PTAFR: variants seen among roughly 807,000 people sequenced by gnomAD.
PTAFR encodes the protein platelet activating factor receptor.
PTAFR carries 8 observed loss-of-function variants against 14.7 expected under a neutral mutation model. The ratio of observed to expected loss-of-function variants is 0.54; its 90% CI spans 0.32 to 0.98. PTAFR has a LOEUF of 0.98. Among genes scored for constraint, PTAFR ranks in the 50% least tolerant of loss-of-function variants. The probability of loss-of-function intolerance (pLI) is 0.04; values close to 1 mark genes in which losing one functional copy is unlikely to be tolerated. For missense variants in PTAFR, 337 were observed against 451.2 expected (o/e 0.75, Z 2.29); for synonymous variants, 156 against 176.5 (o/e 0.88, Z 0.92).
chr1:28,163,742 G>T (rs1646351791), intron 1 of PTAFR, among the ~76,000 whole-genome samples: 1 of 152,354 alleles, frequency 6.6e-6, no homozygotes, highest in Non-Finnish European at 1.5e-5. Flanking sequence ...GGAGCCAGGG[G>T]AGGGGACTGT....
upstream of PTAFR, among the ~76,000 whole-genome samples, chr1:28,180,980 A>T (rs138951986): frequency 9.2e-5 from 14 of 152,148 alleles, no homozygotes; most frequent in East Asian, 1.5e-3. Flanking sequence ...TTATTTATTT[A>T]TTTTTTTGAG....
rs529408102 is a variant in PTAFR at position 28,175,075 on chromosome 1, A to G, written c.-39+1517T>C. On this transcript the variant is annotated intron_variant, in intron 1 of 1. Transcript: ENST00000373857. ...CCGAGTAGCACCCGCCACCACGCCC[A>G]GCTAATTTTTGTATTTTTAGTAGAG... 2.6e-5 allele frequency among the ~76,000 whole-genome samples: 4 copies of G among 152,026 alleles called. No individual in the cohort carries two copies. In the East Asian group the frequency reaches 7.8e-4, roughly 30 times the overall value.
At chr1:28,155,581 G>A (rs894316828) in intron 1 of PTAFR, among the ~76,000 whole-genome samples, 8 of 152,130 alleles carry the variant, frequency 5.3e-5, no homozygotes, top group African/African-American at 1.9e-4. Flanking sequence ...CTTTAGGGAG[G>A]TCTTCAATGG....
At chr1:28,165,644 G>A (rs904913675) in intron 1 of PTAFR, among the ~76,000 whole-genome samples, 5 of 151,736 alleles carry the variant, frequency 3.3e-5, no homozygotes, top group Admixed American at 2.0e-4. Context: ...TTAGCCAGGC[G>A]TGGTGGCAGG....
intron 1 of PTAFR, among the ~76,000 whole-genome samples, chr1:28,184,157 A>C (rs1427527388): frequency 8.0e-6 from 1 of 125,560 alleles, no homozygotes; most frequent in East Asian, 2.4e-4. Flanking sequence ...CAGTAGCGTG[A>C]TCTCAGCTCA....
chr1:28,169,348 T>C (rs1205281561), intron 1 of PTAFR, among the ~76,000 whole-genome samples: 1 of 152,030 alleles, frequency 6.6e-6, no homozygotes, highest in Non-Finnish European at 1.5e-5. Context: ...TGAAAGTACA[T>C]TGTGTATTTT....
intron 1 of PTAFR, among the ~76,000 whole-genome samples, chr1:28,152,041 C>T (rs1646195568): frequency 6.6e-6 from 1 of 151,960 alleles, no homozygotes; most frequent in African/African-American, 2.4e-5. Flanking sequence ...TACAGGTATG[C>T]GTGTGACACC....
At chr1:28,181,366 TG>T (rs1646561437), upstream of PTAFR, among the ~76,000 whole-genome samples, 1 of 152,210 alleles carries the variant, frequency 6.6e-6, no homozygotes, top group Admixed American at 6.5e-5. Flanking sequence ...AGTTTACTCC[TG>T]TTACAGAAGG....
At chr1:28,175,404 CTT>C (rs1379683575) in intron 1 of PTAFR, among the ~76,000 whole-genome samples, 7 of 151,984 alleles carry the variant, frequency 4.6e-5, no homozygotes, top group Admixed American at 2.6e-4. Flanking sequence ...AGTGGTGTCT[CTT>C]TTGCTTCTCT....
chr1:28,170,368 G>A (rs928282556), intron 1 of PTAFR, among the ~76,000 whole-genome samples: 3 of 152,086 alleles, frequency 2.0e-5, no homozygotes, highest in East Asian at 1.9e-4. Flanking sequence ...TCTTAGATTC[G>A]CTGGGGCCAG....
At chr1:28,191,805 G>A (rs1646656331) in intron 1 of PTAFR, among the ~76,000 whole-genome samples, 1 of 150,804 alleles carries the variant, frequency 6.6e-6, no homozygotes, top group South Asian at 2.1e-4. Flanking sequence ...GCTCATGCCT[G>A]CTGCAATCCC....
At chr1:28,167,947 GATCT>G (rs1646406125) in intron 1 of PTAFR, among the ~76,000 whole-genome samples, 1 of 110,974 alleles carries the variant, frequency 9.0e-6, no homozygotes, top group Non-Finnish European at 1.8e-5. Context: ...CTGAAAACCA[GATCT>G]TTTTTTTTTT....
intron 1 of PTAFR, among the ~76,000 whole-genome samples, chr1:28,182,958 G>A (rs1028031843): frequency 1.3e-5 from 2 of 152,172 alleles, no homozygotes; most frequent in African/African-American, 4.8e-5. Context: ...TGGGATTACA[G>A]GTGCGAGCCA....
chr1:28,183,955 A>G (rs981290211), intron 1 of PTAFR, among the ~76,000 whole-genome samples: 1 of 151,880 alleles, frequency 6.6e-6, no homozygotes, highest in African/African-American at 2.4e-5. Context: ...TAGATGATAG[A>G]TCCAAAATCT....
chr1:28,185,984 T>C (rs1250213433), intron 1 of PTAFR, among the ~76,000 whole-genome samples: 1 of 152,134 alleles, frequency 6.6e-6, no homozygotes, highest in Non-Finnish European at 1.5e-5. Context: ...GCCAAAGATA[T>C]GCAAGATCTT....
chr1:28,173,129 G>T (rs568661477), intron 1 of PTAFR, among the ~76,000 whole-genome samples: 2,712 of 122,990 alleles, frequency 0.022, 99 homozygotes, highest in African/African-American at 0.082. Flanking sequence ...AAAAAAAAAA[G>T]TTTTTTAAAT....
chr1:28,178,249 T>A (rs2149005058), upstream of PTAFR, among the ~76,000 whole-genome samples: 1 of 152,026 alleles, frequency 6.6e-6, no homozygotes, highest in Non-Finnish European at 1.5e-5. Flanking sequence ...ACAAAACACT[T>A]TTTTTATTTT....
Position 28,151,077 on chromosome 1 carries a change from A to G in PTAFR, c.-38-18T>C, listed in dbSNP as rs568099276. ...GGTGGTGCCTGGAAGACCACACAAA[A>G]ATTCTGGTTAATAAAGGGACAAGAA... On this transcript the variant is annotated intron_variant, in intron 1 of 1. Transcript: ENST00000373857. The G allele has an allele frequency of 2.8e-5, 39 of 1,414,770 alleles. No homozygotes were observed. The highest frequency in any genetic ancestry group is 3.5e-5 in the Non-Finnish European group (36 of 1,042,340). 87.6% of individuals were successfully genotyped at this position (1,414,770 alleles called of 1,614,324 possible). A position where few individuals can be genotyped will look rare whatever the true frequency, so the allele number is the denominator to read the frequency against.
At chr1:28,178,628 C>T (rs766918736), upstream of PTAFR, among the ~76,000 whole-genome samples, 2 of 151,956 alleles carry the variant, frequency 1.3e-5, no homozygotes, top group Non-Finnish European at 2.9e-5. Flanking sequence ...CCCCCTCCTC[C>T]ACCTCCAGCC....
Sources: allele counts gnomAD v4.1 joint callset (sites outside exome capture counted in the v4.1 genomes callset), GRCh38; gene constraint gnomAD v4.1.1; transcripts MANE v1.5; gene names NCBI Gene and HGNC (gene_info 2026-07-23, HGNC 2026-07-21).